NID2: variants seen among roughly 807,000 people sequenced by gnomAD.
NID2 encodes nidogen 2, also known as nidogen-2.
A neutral mutation model predicts 145.4 loss-of-function variants in NID2; 83 were observed. The ratio of observed to expected loss-of-function variants is 0.57; its 90% CI spans 0.48 to 0.69. The LOEUF is 0.69. NID2 is among the 30% of genes least tolerant of loss of function. The probability of loss-of-function intolerance (pLI) is 0.00; values close to 1 mark genes in which losing one functional copy is unlikely to be tolerated. For missense variants in NID2, 1,807 were observed against 1,765.7 expected, an observed-to-expected ratio of 1.02 and a Z score of -0.42; for synonymous variants, 739 against 701.3, an observed-to-expected ratio of 1.05 and a Z score of -0.85.
At chr14:52,014,482 G>A in intron 15 of NID2, 26 bp from the exon 16 acceptor site, 1 of 1,584,840 alleles carries the variant, frequency 6.3e-7, no homozygotes, top group Non-Finnish European at 8.6e-7. Context: ...TGGGAGAGCA[G>A]GAAGGGGAAC....
chr14:52,060,476 T>C (rs1892993590), intron 2 of NID2, 120 bp from the exon 3 acceptor site: 3 of 484,236 alleles, frequency 6.2e-6, no homozygotes, highest in Non-Finnish European at 1.0e-5. Context: ...GAACTTCCCC[T>C]TTTTCAGGAT....
chr14:52,046,195 C>T (rs1252958957), intron 5 of NID2, among the ~76,000 whole-genome samples: 1 of 151,702 alleles, frequency 6.6e-6, no homozygotes, highest in African/African-American at 2.4e-5. Flanking sequence ...TGGTGGTGGG[C>T]GCCTGTAGTC....
At chr14:52,021,814 A>C (rs972082379) in intron 12 of NID2, among the ~76,000 whole-genome samples, 7 of 152,172 alleles carry the variant, frequency 4.6e-5, no homozygotes, top group African/African-American at 2.4e-5. Context: ...GAAATCAACC[A>C]ATGTTGTCAT....
chr14:52,061,427 C>T (rs1370698779), intron 2 of NID2, among the ~76,000 whole-genome samples: 2 of 152,162 alleles, frequency 1.3e-5, no homozygotes, highest in African/African-American at 2.4e-5. Flanking sequence ...AGACGTTATG[C>T]TTGATGCTGA....
At position 52,033,069 on chromosome 14, in the gene NID2, T is replaced by A. The variant is rs1008229323; in HGVS notation, c.2258-3379A>T. ...TGAACTTGGCTTCCCAAAACATTTT[T>A]AAAATACATTTCTAAAACCATTTCA... is the stretch of plus-strand genomic sequence containing the variant. On this transcript the variant is annotated intron_variant, in intron 9 of 21. Transcript: ENST00000216286. Among the ~76,000 whole-genome samples the A allele has an allele frequency of 2.0e-5, 3 of 152,228 alleles. No individual in the cohort carries two copies. The East Asian group carries it at 5.8e-4, about 29-fold the overall frequency.
At chr14:52,023,088 T>A (rs1387628409) in intron 12 of NID2, among the ~76,000 whole-genome samples, 1 of 152,198 alleles carries the variant, frequency 6.6e-6, no homozygotes, top group Non-Finnish European at 1.5e-5. Flanking sequence ...ATAACCACAC[T>A]GATTTTACCA....
intron 6 of NID2, 133 bp downstream of exon 6, chr14:52,042,649 C>T: frequency 2.2e-6 from 2 of 922,934 alleles, no homozygotes; most frequent in African/African-American, 1.7e-5. Flanking sequence ...ATTTATTGAG[C>T]ACCTGCAAGT....
intron 9 of NID2, among the ~76,000 whole-genome samples, chr14:52,030,524 GAAAGAA>G (rs1555363702): frequency 3.5e-4 from 14 of 40,032 alleles, no homozygotes; most frequent in Admixed American, 9.6e-4. Flanking sequence ...AGAAAAGAAA[GAAAGAA>G]AGAAAGAAAG....
In NID2 at chr14:52,014,413, C is replaced by T. The variant is rs1891139551; in HGVS notation, c.3294G>A (p.Arg1098=). 6.2e-7 allele frequency: 1 copy of T among 1,613,984 alleles called. No individual in the cohort carries two copies. The highest frequency in any genetic ancestry group is 2.2e-5 in the East Asian group (1 of 44,864). Residue 1098 remains arginine, a synonymous_variant, in exon 16 of 22, where the codon CGG becomes CGA. Coordinates refer to ENST00000216286, the MANE Select transcript of NID2 (RefSeq NM_007361.4). Reference sequence around the variant, plus strand: ...CCACAGATGGAGGGGTCACATCTGGCCGGGGCGTGGGCCGGACCATGGGTG... The same window carrying T: ...CCACAGATGGAGGGGTCACATCTGGTCGGGGCGTGGGCCGGACCATGGGTG... The part of the protein sequence containing the change: ...VAPPMVRPTP[R]PDVTPPSVGT...
Position 52,014,420 on chromosome 14 carries a change from G to A in NID2, c.3287C>T (p.Thr1096Met), listed in dbSNP as rs779949013. The change falls in exon 16 of 22, where the codon ACG becomes ATG. Residue 1096 changes from threonine (T) to methionine (M), a missense_variant. Transcript: ENST00000216286. ...PTVAPPMVRP[T>M]PRPDVTPPSV... ...TGGAGGGGTCACATCTGGCCGGGGC[G>A]TGGGCCGGACCATGGGTGGAGCGAC... The A allele has an allele frequency of 3.7e-6, 6 of 1,613,780 alleles. No homozygotes were observed. The highest frequency in any genetic ancestry group is 2.7e-5 in the African/African-American group (2 of 75,050).
intron 9 of NID2, among the ~76,000 whole-genome samples, chr14:52,036,776 C>T (rs996489928): frequency 2.6e-5 from 4 of 152,346 alleles, no homozygotes; most frequent in East Asian, 3.8e-4. Flanking sequence ...CATCTTTACA[C>T]ATGCCCATTG....
rs1830537228 is a variant in NID2 at position 52,004,932 on chromosome 14, A to ATGCAAATTGAATCATTT, written c.*537_*553dup. ...TATAGAGGCACTACAGGATCAGAAA[A>ATGCAAATTGAATCATTT]TGCAAATTGAATCATTTTAGCACCT... On this transcript the variant is annotated 3_prime_UTR_variant, in exon 22 of 22. Transcript: ENST00000216286. 1 of 158,948 alleles carries ATGCAAATTGAATCATTT rather than the reference A, an allele frequency of 6.3e-6. No homozygotes were observed. The highest frequency in any genetic ancestry group is 2.4e-5 in the African/African-American group (1 of 41,702). 9.8% of individuals were successfully genotyped at this position (158,948 alleles called of 1,614,324 possible).
chr14:52,039,673 G>A (rs1339958977), intron 8 of NID2, among the ~76,000 whole-genome samples: 6 of 152,164 alleles, frequency 3.9e-5, no homozygotes, highest in Admixed American at 3.3e-4. Context: ...AACTCAATCC[G>A]GATTGCTGTG....
At chr14:52,054,794 T>C (rs770052848) in intron 3 of NID2, among the ~76,000 whole-genome samples, 7 of 152,236 alleles carry the variant, frequency 4.6e-5, no homozygotes, top group Non-Finnish European at 8.8e-5. Context: ...ACTTACATGG[T>C]AACTAAAGGG....
Position 52,015,148 on chromosome 14 carries a change from C to T in NID2, c.3156G>A (p.Leu1052=). The stretch of plus-strand genomic sequence containing the variant: ...AGAAGTCGCTCTTTCCGTGGCACTG[C>T]AGGGGGATGAAGTGGCCCAGGTCAT... ...QCDDLGHFIP[L]QCHGKSDFCW... is the part of the protein sequence containing the mutation. Residue 1052 remains leucine (L), a synonymous_variant, in exon 15 of 22, where the codon CTG becomes CTA. Coordinates refer to ENST00000216286, the MANE Select transcript of NID2 (RefSeq NM_007361.4). The T allele has an allele frequency of 6.2e-7, 1 of 1,614,128 alleles. No homozygotes were observed. Among genetic ancestry groups the T allele is most frequent in the Non-Finnish European group, 8.5e-7 (1 of 1,180,026 alleles).
intron 13 of NID2, 137 bp from the exon 14 acceptor site, chr14:52,019,431 C>A: frequency 1.6e-6 from 1 of 626,050 alleles, no homozygotes; most frequent in Non-Finnish European, 2.7e-6. Context: ...TAATACCTTG[C>A]CACTATTTAC....
At chr14:52,033,538 T>A (rs1891948940) in intron 9 of NID2, among the ~76,000 whole-genome samples, 1 of 152,200 alleles carries the variant, frequency 6.6e-6, no homozygotes, top group South Asian at 2.1e-4. Context: ...ACACCCCAGT[T>A]CTGCATCCTC....
At chr14:52,055,840 G>T (rs886711499) in intron 3 of NID2, among the ~76,000 whole-genome samples, 19 of 152,082 alleles carry the variant, frequency 1.2e-4, no homozygotes, top group African/African-American at 4.6e-4. Context: ...AAGAACAAAA[G>T]ATTTTCCTTC....
rs143888840 is a variant in NID2, at chr14:52,060,622, T to C, written c.535-266A>G. 1.4e-3 allele frequency among the ~76,000 whole-genome samples: 209 copies of C among 152,330 alleles called. 1 individual carries two copies. Among genetic ancestry groups the C allele is most frequent in the African/African-American group, 4.6e-3 (192 of 41,576 alleles). On this transcript the variant is annotated intron_variant, in intron 2 of 21. Transcript: ENST00000216286. ...GATTAATAGTTGAAATACGCATTGG[T>C]AAAACATAGGTTAAAAAATATATAC...
Sources: allele counts gnomAD v4.1 joint callset (sites outside exome capture counted in the v4.1 genomes callset), GRCh38; gene constraint gnomAD v4.1.1; transcripts MANE v1.5; gene names NCBI Gene and HGNC (gene_info 2026-07-23, HGNC 2026-07-21).